Variants in ZNF91 observed in about 807,000 individuals in gnomAD.
The protein encoded by ZNF91 is zinc finger protein 91 (HPF7, HTF10).
In ZNF91, 7 loss-of-function variants were observed where a neutral mutation model predicts 12.6. The ratio of observed to expected loss-of-function variants is 0.55; its 90% CI spans 0.31 to 1.04. The LOEUF (loss-of-function observed/expected upper bound fraction) is 1.04. Among genes scored for constraint, ZNF91 ranks in the 50% least tolerant of loss-of-function variants. ZNF91 has a pLI of 0.05. For synonymous variants in ZNF91, 453 were observed against 462.6 expected (o/e 0.98, Z 0.27); for missense variants, 1,217 against 1,385.4 (o/e 0.88, Z 1.93).
At chr19:23,386,406 A>C (rs1969875550) in intron 1 of ZNF91, among the ~76,000 whole-genome samples, 1 of 152,234 alleles carries the variant, frequency 6.6e-6, no homozygotes, top group African/African-American at 2.4e-5. Flanking sequence ...CTGTTTTCAA[A>C]TTATACTGCA....
intron 1 of ZNF91, among the ~76,000 whole-genome samples, chr19:23,389,988 G>T (rs1467127699): frequency 6.6e-6 from 1 of 152,116 alleles, no homozygotes; most frequent in African/African-American, 2.4e-5. Flanking sequence ...GAACTCAGCG[G>T]AACACTGTAG....
downstream of ZNF91, among the ~76,000 whole-genome samples, chr19:23,356,815 C>T (rs371415837): frequency 2.0e-5 from 3 of 152,180 alleles, no homozygotes; most frequent in African/African-American, 4.8e-5. Flanking sequence ...ACAGGCCAGC[C>T]GGGCCTGGTA....
At chr19:23,373,861 A>G (rs1203868122) in intron 2 of ZNF91, 24 bp from the exon 3 acceptor site, 1 of 1,571,294 alleles carries the variant, frequency 6.4e-7, no homozygotes, top group Non-Finnish European at 8.7e-7. Flanking sequence ...AATAACTAAC[A>G]TGAGTCTTGC....
rs73565028 is a variant in ZNF91 at position 23,360,337 on chromosome 19, G to A, written c.2642C>T (p.Pro881Leu). 8.3e-4 allele frequency: 1,333 copies of A among 1,613,982 alleles called. 9 individuals carry two copies. The African/African-American group carries it at 0.016, about 19-fold the overall frequency. Residue 881 changes from proline to leucine, a missense_variant, in exon 4 of 4, where the codon CCT (proline) becomes CTT (leucine). By Grantham distance (98) the Pro-to-Leu change is moderately conservative (BLOSUM62 -3). Coordinates refer to ENST00000300619, the MANE Select transcript of ZNF91 (RefSeq NM_003430.4). ...THKIIHTKEKPSKSEECDKAF... is the reference protein window; with the variant it reads ...THKIIHTKEKLSKSEECDKAF... ...TTTGTCACATTCTTCACTCTTGGAA[G>A]GTTTCTCTTTAGTATGAATTATCTT...
downstream of ZNF91, among the ~76,000 whole-genome samples, chr19:23,355,888 CAT>C (rs1968473144): frequency 6.6e-5 from 10 of 152,146 alleles, no homozygotes; most frequent in South Asian, 2.1e-3. Context: ...GGCCAACAAA[CAT>C]ATAAAAAATG....
chr19:23,390,593 A>G (rs994615535), intron 1 of ZNF91, among the ~76,000 whole-genome samples: 6 of 152,190 alleles, frequency 3.9e-5, no homozygotes, highest in African/African-American at 9.6e-5. Context: ...CCTGACCTCA[A>G]GGGATCCACC....
At chr19:23,330,814 T>A (rs543740684) in intron 1 of ZNF91, among the ~76,000 whole-genome samples, 1 of 152,326 alleles carries the variant, frequency 6.6e-6, no homozygotes, top group Admixed American at 6.5e-5. Context: ...AAAAGTTAAA[T>A]CTTAAGGTAC....
At chr19:23,336,408 C>G (rs78910392), downstream of ZNF91, among the ~76,000 whole-genome samples, 1,685 of 152,274 alleles carry the variant, frequency 0.011, 154 homozygotes, top group East Asian at 0.24. Flanking sequence ...CAAAGATTGG[C>G]TGGATCAGGT....
chr19:23,366,399 C>T (rs1330299977), intron 3 of ZNF91, among the ~76,000 whole-genome samples: 1 of 152,174 alleles, frequency 6.6e-6, no homozygotes, highest in East Asian at 1.9e-4. Context: ...ACACCAAAAT[C>T]CCATTTTCGA....
At chr19:23,329,912 C>G (rs923852706) in intron 1 of ZNF91, among the ~76,000 whole-genome samples, 1 of 152,172 alleles carries the variant, frequency 6.6e-6, no homozygotes, top group Admixed American at 6.5e-5. Flanking sequence ...AACTACTCAG[C>G]GAGTGACCAT....
chr19:23,354,895 T>C (rs1445296192), downstream of ZNF91, among the ~76,000 whole-genome samples: 1 of 151,782 alleles, frequency 6.6e-6, no homozygotes, highest in Non-Finnish European at 1.5e-5. Context: ...TATATGAATA[T>C]ACCTAACGAA....
In ZNF91 at chr19:23,359,766, A is replaced by C; in HGVS notation, c.3213T>G (p.Ile1071Met). ...SSSTLNGHKR[I>M]HTREKPYKCE... ...ATTTGTAGGGTTTCTCTCTAGTATG[A>C]ATTCTCTTATGTCCATTTAGGGTTG... Residue 1071 changes from isoleucine to methionine, a missense_variant, in exon 4 of 4, where the codon ATT becomes ATG. Physicochemically the swap from Ile to Met is conservative, Grantham distance 10. Around this residue, in one of 2 missense-constraint regions of ZNF91, gnomAD observed 491 missense variants for 489.8 expected, o/e 1.00. Coordinates refer to ENST00000300619, the MANE Select transcript of ZNF91 (RefSeq NM_003430.4). 1 of 1,613,518 alleles carries C rather than the reference A, an allele frequency of 6.2e-7. No homozygotes were observed. Among genetic ancestry groups the C allele is most frequent in the Middle Eastern group, 1.7e-4 (1 of 6,060 alleles).
At chr19:23,316,903 T>C (rs1967571022) in intron 1 of ZNF91, among the ~76,000 whole-genome samples, 1 of 152,218 alleles carries the variant, frequency 6.6e-6, no homozygotes. Flanking sequence ...TTTTCACCCT[T>C]ACACGTGGAC....
At chr19:23,350,857 T>C (rs561399492) in intron 3 of ZNF91, among the ~76,000 whole-genome samples, 113 of 152,240 alleles carry the variant, frequency 7.4e-4, no homozygotes, top group Admixed American at 1.2e-3. Flanking sequence ...ACCCCTGCCC[T>C]GTCCTTACTT....
In ZNF91 at chr19:23,395,329, T is replaced by C; in HGVS notation, c.26A>G (p.Glu9Gly). The C allele has an allele frequency of 6.2e-7, 1 of 1,613,890 alleles. No homozygotes were observed. The highest frequency in any genetic ancestry group is 8.5e-7 in the Non-Finnish European group (1 of 1,179,882). ...CGTCGCACCTGGCAGTCTCACCATTTCTAGGCTTCCAGGGGTTCCTGGCAT... is the reference window on the plus strand; with the variant it reads ...CGTCGCACCTGGCAGTCTCACCATTCCTAGGCTTCCAGGGGTTCCTGGCAT... MPGTPGSLEMGLLTFRDVA... is the reference protein window; with the variant it reads MPGTPGSLGMGLLTFRDVA... Residue 9 changes from glutamate to glycine, a missense_variant, in exon 1 of 4, where the codon GAA becomes GGA. Glu to Gly is a moderately conservative substitution (Grantham distance 98). Coordinates refer to ENST00000300619, the MANE Select transcript of ZNF91 (RefSeq NM_003430.4).
At chr19:23,337,315 C>T (rs1398428035), downstream of ZNF91, among the ~76,000 whole-genome samples, 1 of 151,836 alleles carries the variant, frequency 6.6e-6, no homozygotes, top group African/African-American at 2.4e-5. Flanking sequence ...TAAACACACA[C>T]ATACACAGAC....
chr19:23,320,810 G>T (rs905304576), intron 1 of ZNF91, among the ~76,000 whole-genome samples: 2 of 152,218 alleles, frequency 1.3e-5, no homozygotes, highest in African/African-American at 4.8e-5. Flanking sequence ...CAAGAGTAAA[G>T]ATTGTTGTCC....
rs895640673 is a variant in ZNF91 at position 23,350,296 on chromosome 19, G to T, written c.254-11242C>A. On this transcript the variant is annotated intron_variant, in intron 3 of 3. Coordinates refer to the ZNF91 transcript ENST00000599743. ...GGGGCCCAACAAATCTTTAAGGAGG[G>T]TGGTTCTCTAATTTAGGGGGATTTA... Among the ~76,000 whole-genome samples, 6 of 152,278 alleles carry T rather than the reference G, an allele frequency of 3.9e-5. No individual in the cohort carries two copies. The South Asian group carries it at 6.2e-4, about 16-fold the overall frequency.
downstream of ZNF91, among the ~76,000 whole-genome samples, chr19:23,335,571 G>A (rs1253364415): frequency 1.3e-5 from 2 of 152,106 alleles, no homozygotes; most frequent in East Asian, 1.9e-4. Flanking sequence ...GTTTGATCTC[G>A]GACTGCTGTG....
Sources: gnomAD v4.1 joint callset for allele counts (sites outside exome capture counted in the v4.1 genomes callset) on GRCh38, gnomAD v4.1.1 for gene constraint, gnomAD v4.1.1 regional missense constraint, MANE v1.5 for transcripts, NCBI Gene and HGNC (gene_info 2026-07-23, HGNC 2026-07-21) for gene names.